COA1: variants seen among roughly 807,000 people sequenced by gnomAD.
COA1 encodes the protein cytochrome c oxidase assembly factor 1.
In COA1, 13 loss-of-function variants were observed where a neutral mutation model predicts 16.0. The ratio of observed to expected loss-of-function variants is 0.81; its 90% CI spans 0.53 to 1.29. COA1 has a LOEUF of 1.29. Among genes scored for constraint, COA1 ranks in the 50% most tolerant of loss-of-function variants. The pLI is 0.00. For synonymous variants in COA1, 65 were observed against 65.7 expected (o/e 0.99, Z 0.05); for missense variants, 179 against 177.0 (o/e 1.01, Z -0.06).
At chr7:43,610,014 G>A (rs982714402) in intron 6 of COA1, among the ~76,000 whole-genome samples, 2 of 152,354 alleles carry the variant, frequency 1.3e-5, no homozygotes, top group East Asian at 1.9e-4. Flanking sequence ...AGGGCAAGGC[G>A]AGGCTTAAAC....
At chr7:43,696,138 C>T (rs374689434) in intron 1 of COA1, among the ~76,000 whole-genome samples, 1 of 152,206 alleles carries the variant, frequency 6.6e-6, no homozygotes, top group Non-Finnish European at 1.5e-5. Flanking sequence ...CGCACCCGGC[C>T]AGAAACTTAC....
intron 2 of COA1, 103 bp downstream of exon 2, chr7:43,648,497 G>A: frequency 8.3e-7 from 1 of 1,210,270 alleles, no homozygotes; most frequent in Non-Finnish European, 1.2e-6. Context: ...TAAAGACCAG[G>A]AGAAGCCCAT....
chr7:43,629,549 CTTTT>C (rs1422165595), intron 6 of COA1, among the ~76,000 whole-genome samples: 5 of 152,064 alleles, frequency 3.3e-5, no homozygotes, highest in African/African-American at 4.8e-5. Context: ...CATATTTCAG[CTTTT>C]TTTGTTTGCT....
intron 1 of COA1, among the ~76,000 whole-genome samples, chr7:43,694,130 C>A (rs1305201472): frequency 1.3e-5 from 2 of 148,396 alleles, no homozygotes; most frequent in African/African-American, 2.5e-5. Context: ...CGCCACTGCA[C>A]ACTAGATCCC....
chr7:43,693,730 G>A (rs139970261), intron 1 of COA1, among the ~76,000 whole-genome samples: 180 of 151,810 alleles, frequency 1.2e-3, no homozygotes, highest in African/African-American at 4.1e-3. Context: ...CTCAACTATC[G>A]TACCTCATCT....
intron 1 of COA1, among the ~76,000 whole-genome samples, chr7:43,680,283 CAAAAAAAAAAAA>C (rs552891478): frequency 1.4e-5 from 1 of 73,008 alleles, no homozygotes; most frequent in Non-Finnish European, 3.0e-5. Flanking sequence ...GACAGGGAGA[CAAAAAAAAAAAA>C]AAAAAAAGTA....
In COA1 at chr7:43,709,436, G is replaced by T. The variant is rs561647312; in HGVS notation, c.-39+19993C>A. On this transcript the variant is annotated intron_variant, in intron 1 of 5. Coordinates refer to ENST00000223336, the MANE Select transcript of COA1 (RefSeq NM_018224.4). ...AGGTCTTGATTCACTTTGTTTTATTGTGTGTGTGTGTGTGTGTGTGTGTGT... is the reference window on the plus strand; with the variant it reads ...AGGTCTTGATTCACTTTGTTTTATTTTGTGTGTGTGTGTGTGTGTGTGTGT... 2.6e-3 allele frequency among the ~76,000 whole-genome samples: 271 copies of T among 103,460 alleles called. 1 individual carries two copies. The highest frequency in any genetic ancestry group is 0.014 in the African/African-American group (256 of 18,856). The allele number at this position is 103,460 out of a possible 152,430, so 67.9% of individuals were successfully genotyped here. A position where few individuals can be genotyped will look rare whatever the true frequency, so the allele number is the denominator to read the frequency against.
chr7:43,634,076 T>A (rs1412956351), intron 6 of COA1, among the ~76,000 whole-genome samples: 1 of 152,234 alleles, frequency 6.6e-6, no homozygotes, highest in Non-Finnish European at 1.5e-5. Context: ...GACTTCCTAT[T>A]TTTTTCATTT....
intron 1 of COA1, among the ~76,000 whole-genome samples, chr7:43,717,897 T>C (rs1004581225): frequency 1.3e-5 from 2 of 152,188 alleles, no homozygotes; most frequent in African/African-American, 4.8e-5. Context: ...TTTGCATCTT[T>C]CTCATTCTCT....
At chr7:43,685,467 T>G (rs1460936555) in intron 1 of COA1, among the ~76,000 whole-genome samples, 4 of 152,224 alleles carry the variant, frequency 2.6e-5, no homozygotes, top group Non-Finnish European at 5.9e-5. Context: ...AAGCTGCAAT[T>G]CTAGGAGCAA....
chr7:43,712,648 T>A (rs2095287294), intron 1 of COA1, among the ~76,000 whole-genome samples: 1 of 152,228 alleles, frequency 6.6e-6, no homozygotes, highest in African/African-American at 2.4e-5. Context: ...AACTTCAATC[T>A]TCTACTGTTG....
chr7:43,625,402 G>A (rs2084393876), intron 6 of COA1: 1 of 152,034 alleles, frequency 6.6e-6, no homozygotes. Flanking sequence ...GACTTGATTT[G>A]GTTTCTGTTG....
intron 6 of COA1, chr7:43,631,160 A>G (rs1179332536): frequency 6.6e-6 from 1 of 151,994 alleles, no homozygotes; most frequent in Non-Finnish European, 1.5e-5. Flanking sequence ...TTAGTTTTCT[A>G]TCAACCGAGA....
chr7:43,647,708 C>T, intron 2 of COA1, 74 bp from the exon 3 acceptor site: 1 of 1,136,226 alleles, frequency 8.8e-7, no homozygotes, highest in Non-Finnish European at 1.3e-6. Context: ...GGCTTGGACC[C>T]CTAAAGGAAA....
chr7:43,646,224 T>G (rs2089265438), intron 3 of COA1: 1 of 195,990 alleles, frequency 5.1e-6, no homozygotes, highest in African/African-American at 2.3e-5. Context: ...TTCCCAGGAA[T>G]AGGGATACAG....
intron 1 of COA1, among the ~76,000 whole-genome samples, chr7:43,711,940 A>G (rs560236365): frequency 1.3e-5 from 2 of 152,260 alleles, no homozygotes; most frequent in African/African-American, 2.4e-5. Flanking sequence ...AGAGAAACTA[A>G]TAACAATAAA....
At chr7:43,650,154 G>A (rs62461086) in intron 1 of COA1, 13,012 of 152,240 alleles carry the variant, frequency 0.085, 654 homozygotes, top group East Asian at 0.18. Flanking sequence ...CTGAGCTGTC[G>A]GACTCTGCAG....
chr7:43,647,879 C>T, intron 2 of COA1: 1 of 512,316 alleles, frequency 2.0e-6, no homozygotes, highest in Non-Finnish European at 3.5e-6. Context: ...GCCCTGCCAC[C>T]CCCAGCCAGC....
At chr7:43,615,564 G>A (rs559897743) in intron 6 of COA1, among the ~76,000 whole-genome samples, 29 of 152,272 alleles carry the variant, frequency 1.9e-4, no homozygotes, top group African/African-American at 7.0e-4. Flanking sequence ...ATGGTACATA[G>A]GTGTTTTTTT....
Sources: allele counts gnomAD v4.1 joint callset (sites outside exome capture counted in the v4.1 genomes callset), GRCh38; gene constraint gnomAD v4.1.1; transcripts MANE v1.5; gene names NCBI Gene and HGNC (gene_info 2026-07-23, HGNC 2026-07-21).